Variants in CSMD1 observed in about 807,000 individuals in gnomAD.
CSMD1 encodes CUB and Sushi multiple domains 1.
Under a neutral mutation model 417.5 loss-of-function variants are expected in CSMD1, and 213 were observed. That is an observed-to-expected ratio of 0.51 (90% confidence interval 0.46 to 0.57). The LOEUF is 0.57. Ranked by LOEUF, CSMD1 falls within the 20% of genes least tolerant of loss-of-function variation. The pLI is 0.00. For missense variants in CSMD1, 6,923 were observed against 4,529.7 expected (o/e 1.53, Z -15.17); for synonymous variants, 2,862 against 1,736.8 (o/e 1.65, Z -16.11).
At chr8:3,422,967 G>T (rs974067116) in intron 12 of CSMD1, among the ~76,000 whole-genome samples, 1 of 152,130 alleles carries the variant, frequency 6.6e-6, no homozygotes, top group African/African-American at 2.4e-5. Flanking sequence ...TTTATTAAGG[G>T]TCACAGCTCT....
intron 33 of CSMD1, among the ~76,000 whole-genome samples, chr8:3,197,715 C>T (rs922325027): frequency 6.6e-6 from 1 of 152,062 alleles, no homozygotes; most frequent in Non-Finnish European, 1.5e-5. Flanking sequence ...CCGCCCGCCT[C>T]GGCCTCCCAA....
At position 4,071,755 on chromosome 8, in the gene CSMD1, C is replaced by T. The variant is rs79654495; in HGVS notation, c.416-39656G>A. Among the ~76,000 whole-genome samples the T allele has an allele frequency of 4.8e-3, 725 of 152,114 alleles. 16 individuals are homozygous for T. The East Asian group carries it at 0.06, about 13-fold the overall frequency. ...AAGTTGATGAATATATTTATTTCGT[C>T]TTTGGGGTTTTATTTTTTATTCCTT... On this transcript the variant is annotated intron_variant, in intron 3 of 69. Transcript: ENST00000635120.
intron 3 of CSMD1, among the ~76,000 whole-genome samples, chr8:4,414,190 C>G (rs557531531): frequency 6.6e-6 from 1 of 152,152 alleles, no homozygotes; most frequent in Non-Finnish European, 1.5e-5. Flanking sequence ...GCTGCTCTTT[C>G]TAAATCCAGA....
At chr8:3,570,850 C>G (rs990297851) in intron 10 of CSMD1, among the ~76,000 whole-genome samples, 2 of 152,154 alleles carry the variant, frequency 1.3e-5, no homozygotes, top group African/African-American at 4.8e-5. Context: ...TTGACTTCCT[C>G]TCTGTCAAGT....
chr8:3,969,318 G>A (rs937487465), intron 5 of CSMD1, among the ~76,000 whole-genome samples: 1 of 152,146 alleles, frequency 6.6e-6, no homozygotes, highest in Non-Finnish European at 1.5e-5. Context: ...GGGCTTCCCA[G>A]GCCCATGCTC....
chr8:3,308,729 C>A (rs980729808), intron 23 of CSMD1, among the ~76,000 whole-genome samples: 1,492 of 102,896 alleles, frequency 0.015, 14 homozygotes, highest in Non-Finnish European at 0.019. Context: ...TCCCTACTTA[C>A]AAGTTTTTTT....
chr8:3,561,041 A>C (rs1461515359), intron 10 of CSMD1, among the ~76,000 whole-genome samples: 1 of 152,168 alleles, frequency 6.6e-6, no homozygotes, highest in African/African-American at 2.4e-5. Context: ...CACATGAAAA[A>C]ATGCCCAGCA....
At chr8:3,128,246 CT>C (rs796752824) in intron 41 of CSMD1, 12 of 152,358 alleles carry the variant, frequency 7.9e-5, no homozygotes, top group South Asian at 4.1e-4. Context: ...AGTAATCCCC[CT>C]AATGTCTATT....
intron 5 of CSMD1, among the ~76,000 whole-genome samples, chr8:3,914,732 A>C (rs1808699143): frequency 6.6e-6 from 1 of 151,368 alleles, no homozygotes; most frequent in Non-Finnish European, 1.5e-5. Flanking sequence ...TTTTTTTTTC[A>C]GATCCTTTGA....
At chr8:4,518,533 G>C (rs62479720) in intron 2 of CSMD1, among the ~76,000 whole-genome samples, 1 of 149,304 alleles carries the variant, frequency 6.7e-6, no homozygotes, top group Non-Finnish European at 1.5e-5. Context: ...ACCAAACACC[G>C]CGTGCTCTCA....
chr8:4,050,339 G>C (rs937912034), intron 3 of CSMD1, among the ~76,000 whole-genome samples: 1 of 152,138 alleles, frequency 6.6e-6, no homozygotes, highest in Non-Finnish European at 1.5e-5. Context: ...TATACACAGA[G>C]CACCCACTAA....
At chr8:4,173,326 G>A (rs1019963410) in intron 3 of CSMD1, among the ~76,000 whole-genome samples, 6 of 152,118 alleles carry the variant, frequency 3.9e-5, no homozygotes, top group African/African-American at 1.4e-4. Flanking sequence ...TGCTGTATAT[G>A]GCAAACCTAA....
intron 5 of CSMD1, among the ~76,000 whole-genome samples, chr8:3,986,196 C>G (rs58977584): frequency 0.26 from 39,334 of 151,912 alleles, 5,181 homozygotes; most frequent in East Asian, 0.38. Context: ...AGCTGCCCCT[C>G]GGTCCTGAGA....
At chr8:4,039,270 C>T (rs551579685) in intron 3 of CSMD1, among the ~76,000 whole-genome samples, 2 of 152,148 alleles carry the variant, frequency 1.3e-5, no homozygotes, top group African/African-American at 4.8e-5. Flanking sequence ...GAAAATATAA[C>T]TCCAAATTCC....
At chr8:4,674,079 A>G (rs6558899) in intron 1 of CSMD1, among the ~76,000 whole-genome samples, 15,235 of 152,214 alleles carry the variant, frequency 0.1, 1,316 homozygotes, top group African/African-American at 0.24. Flanking sequence ...TTTCTCACTT[A>G]TATGCATTAT....
chr8:3,422,030 G>A (rs1180085749), intron 12 of CSMD1, among the ~76,000 whole-genome samples: 2 of 152,148 alleles, frequency 1.3e-5, no homozygotes, highest in Admixed American at 6.5e-5. Context: ...ATGTCTTAGA[G>A]CGTGAGCCAC....
intron 5 of CSMD1, among the ~76,000 whole-genome samples, chr8:3,768,083 T>C (rs1001494597): frequency 5.9e-5 from 9 of 152,088 alleles, no homozygotes; most frequent in African/African-American, 9.7e-5. Context: ...CCATATGATT[T>C]AGAGTCATAT....
intron 1 of CSMD1, among the ~76,000 whole-genome samples, chr8:4,687,087 C>T (rs906981927): frequency 1.3e-5 from 2 of 152,200 alleles, no homozygotes; most frequent in African/African-American, 4.8e-5. Flanking sequence ...GGCCCCTGTG[C>T]AGGCTAACTC....
At chr8:4,383,635 T>C (rs1184102145) in intron 3 of CSMD1, among the ~76,000 whole-genome samples, 1 of 152,148 alleles carries the variant, frequency 6.6e-6, no homozygotes, top group Non-Finnish European at 1.5e-5. Context: ...GAGAATCAAC[T>C]ATGTACTTCA....
Sources: gnomAD v4.1 joint callset for allele counts (sites outside exome capture counted in the v4.1 genomes callset) on GRCh38, gnomAD v4.1.1 for gene constraint, MANE v1.5 for transcripts, NCBI Gene and HGNC (gene_info 2026-07-23, HGNC 2026-07-21) for gene names.